Variants in HS6ST2 observed in about 807,000 individuals in gnomAD.
HS6ST2 encodes the protein heparan sulfate 6-O-sulfotransferase 2.
In HS6ST2, 17 loss-of-function variants were observed where a neutral mutation model predicts 33.0. That is an observed-to-expected ratio of 0.52 (90% CI 0.35 to 0.77). The LOEUF (loss-of-function observed/expected upper bound fraction) is 0.77, where lower values mean the gene tolerates loss of function less well. HS6ST2 is among the 30% of genes least tolerant of loss of function. The probability of loss-of-function intolerance (pLI) is 0.01; values close to 1 mark genes in which losing one functional copy is unlikely to be tolerated. For missense variants in HS6ST2, 519 were observed against 551.7 expected, an observed-to-expected ratio of 0.94 and a Z score of 0.59; for synonymous variants, 248 against 237.1, an observed-to-expected ratio of 1.05 and a Z score of -0.42.
At chrX:132,946,761 TA>T (rs746647093) in intron 2 of HS6ST2, among the ~76,000 whole-genome samples, 1 of 112,048 alleles carries the variant, frequency 8.9e-6, no homozygotes, top group African/African-American at 3.2e-5. Context: ...GAACTTAAAG[TA>T]TATATTAAAA....
intron 2 of HS6ST2, among the ~76,000 whole-genome samples, chrX:132,813,112 C>T (rs1452546537): frequency 1.8e-5 from 2 of 111,841 alleles, no homozygotes; most frequent in African/African-American, 3.3e-5. Context: ...GTCTCCATTC[C>T]TCATTCAGTT....
At chrX:132,679,325 A>T (rs2063949470) in intron 3 of HS6ST2, among the ~76,000 whole-genome samples, 1 of 112,062 alleles carries the variant, frequency 8.9e-6, no homozygotes, top group Admixed American at 9.4e-5. Flanking sequence ...GGGACAGAGT[A>T]CAAAAGAGAG....
At chrX:132,895,046 C>T (rs1162257607) in intron 2 of HS6ST2, among the ~76,000 whole-genome samples, 4 of 111,937 alleles carry the variant, frequency 3.6e-5, no homozygotes, top group East Asian at 5.6e-4. Context: ...AAACTAAAAC[C>T]TCTTCTTTCT....
rs188310680 is a variant in HS6ST2, at chrX:132,939,860, T to G, written c.947+16948A>C. ...GAATTGAAAAACAATATTGTCCATA[T>G]GGCAATACTCCCCAAAATTGATCTA... On this transcript the variant is annotated intron_variant, in intron 2 of 4. Coordinates refer to ENST00000370833, the MANE Select transcript of HS6ST2 (RefSeq NM_001394073.1). Among the ~76,000 whole-genome samples the G allele has an allele frequency of 5.6e-3, 628 of 111,536 alleles. 3 individuals are homozygous for G. The highest frequency in any genetic ancestry group is 0.018 in the African/African-American group (546 of 30,684).
chrX:132,702,594 A>G (rs1272712886), intron 3 of HS6ST2, among the ~76,000 whole-genome samples: 1 of 111,854 alleles, frequency 8.9e-6, no homozygotes, highest in Non-Finnish European at 1.9e-5. Flanking sequence ...AATGGAGGAA[A>G]CCAAAGGACC....
intron 2 of HS6ST2, among the ~76,000 whole-genome samples, chrX:132,951,246 C>T (rs1462820141): frequency 9.0e-6 from 1 of 111,560 alleles, no homozygotes; most frequent in Non-Finnish European, 1.9e-5. Flanking sequence ...GCTTCTCATA[C>T]TTACTGGGGT....
Position 132,941,239 on chromosome X carries a change from A to G in HS6ST2, c.947+15569T>C, listed in dbSNP as rs772051003. On this transcript the variant is annotated intron_variant, in intron 2 of 4. Transcript: ENST00000370833. ...TTATGAGCCACTTTCCCATAATGGC[A>G]TTAGGCAAGGTGGCTGCAACACAAG... Among the ~76,000 whole-genome samples, 7 of 111,711 alleles carry G rather than the reference A, an allele frequency of 6.3e-5. No homozygotes were observed. The East Asian group carries it at 1.7e-3, about 27-fold the overall frequency.
At chrX:132,854,352 C>T (rs2065832247) in intron 2 of HS6ST2, among the ~76,000 whole-genome samples, 1 of 112,441 alleles carries the variant, frequency 8.9e-6, no homozygotes, top group African/African-American at 3.2e-5. Flanking sequence ...AAAGTAGTTG[C>T]TATGGCCAAG....
intron 4 of HS6ST2, among the ~76,000 whole-genome samples, chrX:132,632,149 T>G (rs1414196890): frequency 9.0e-6 from 1 of 111,309 alleles, no homozygotes. Context: ...CACACACTGC[T>G]GCCTTGGTGA....
intron 2 of HS6ST2, among the ~76,000 whole-genome samples, chrX:132,820,734 A>T (rs1018440650): frequency 9.9e-6 from 1 of 100,644 alleles, no homozygotes; most frequent in African/African-American, 3.7e-5. Context: ...GTAATGGGGC[A>T]TGAGCACTGT....
At chrX:132,941,010 A>C (rs190379140) in intron 2 of HS6ST2, among the ~76,000 whole-genome samples, 12 of 111,897 alleles carry the variant, frequency 1.1e-4, no homozygotes, top group Non-Finnish European at 1.7e-4. Context: ...TGAAGCCATA[A>C]TCTTCCTACA....
intron 2 of HS6ST2, among the ~76,000 whole-genome samples, chrX:132,886,060 C>T (rs956307571): frequency 1.8e-5 from 2 of 111,308 alleles, no homozygotes; most frequent in African/African-American, 3.3e-5. Flanking sequence ...GAGATGTGCT[C>T]AGGAAAAACA....
At chrX:132,860,989 C>T (rs2148417417) in intron 2 of HS6ST2, among the ~76,000 whole-genome samples, 1 of 109,321 alleles carries the variant, frequency 9.1e-6, no homozygotes, top group East Asian at 2.9e-4. Flanking sequence ...GAAGGGGTTT[C>T]ACCATGTTGG....
upstream of HS6ST2, among the ~76,000 whole-genome samples, chrX:132,959,226 G>A (rs986115504): frequency 8.9e-6 from 1 of 111,749 alleles, no homozygotes; most frequent in Non-Finnish European, 1.9e-5. Flanking sequence ...TAATAAATAG[G>A]CACAGATCTT....
At chrX:132,813,844 CTA>C (rs2065372199) in intron 2 of HS6ST2, among the ~76,000 whole-genome samples, 1 of 111,684 alleles carries the variant, frequency 9.0e-6, no homozygotes, top group Non-Finnish European at 1.9e-5. Flanking sequence ...TACACTGCCA[CTA>C]GAGAAAGCAA....
At chrX:132,798,792 T>C (rs1366608127) in intron 2 of HS6ST2, among the ~76,000 whole-genome samples, 2 of 111,724 alleles carry the variant, frequency 1.8e-5, no homozygotes, top group Admixed American at 1.9e-4. Flanking sequence ...TGCTACAATG[T>C]CCCAAGCTCT....
intron 2 of HS6ST2, among the ~76,000 whole-genome samples, chrX:132,711,166 A>C (rs2064228463): frequency 8.9e-6 from 1 of 112,111 alleles, no homozygotes; most frequent in Non-Finnish European, 1.9e-5. Context: ...GATGAAAATG[A>C]AGAGAACACA....
At chrX:132,741,492 G>A (rs1230838129) in intron 2 of HS6ST2, among the ~76,000 whole-genome samples, 1 of 109,978 alleles carries the variant, frequency 9.1e-6, no homozygotes, top group Non-Finnish European at 1.9e-5. Flanking sequence ...ATGTTGGTCA[G>A]GCTGGTCTCG....
intron 4 of HS6ST2, among the ~76,000 whole-genome samples, chrX:132,667,140 G>C (rs886684958): frequency 1.8e-5 from 2 of 111,543 alleles, no homozygotes; most frequent in Non-Finnish European, 3.8e-5. Context: ...TCCCAAGAAG[G>C]AGAAAATGTA....
Sources: gnomAD v4.1 joint callset for allele counts (sites outside exome capture counted in the v4.1 genomes callset) on GRCh38, gnomAD v4.1.1 for gene constraint, MANE v1.5 for transcripts, NCBI Gene and HGNC (gene_info 2026-07-23, HGNC 2026-07-21) for gene names.